The following TIMP2 variants were observed in gnomAD, a reference collection of about 807,000 sequenced individuals.
TIMP2 encodes TIMP metallopeptidase inhibitor 2.
In TIMP2, 5 loss-of-function variants were observed where a neutral mutation model predicts 24.3. The observed-to-expected ratio is 0.21, with a 90% CI of 0.11 to 0.43. The LOEUF (loss-of-function observed/expected upper bound fraction) is 0.43. Among genes scored for constraint, TIMP2 ranks in the 20% least tolerant of loss-of-function variants. TIMP2 has a pLI of 1.00. For missense variants in TIMP2, 221 were observed against 297.5 expected (o/e 0.74, Z 1.89); for synonymous variants, 130 against 123.2 (o/e 1.06, Z -0.37).
At position 78,918,694 on chromosome 17, in the gene TIMP2, T is replaced by G. The variant is rs555141076; in HGVS notation, c.130+6265A>C. 1.2e-4 allele frequency among the ~76,000 whole-genome samples: 18 copies of G among 152,166 alleles called. No individual in the cohort carries two copies. In the South Asian group the frequency reaches 3.7e-3, roughly 32 times the overall value. Reference sequence around the variant, plus strand: ...TTGGCCAAGCACTCACAATATCAGATATTCATTAAAAAAGTATATATAGGC... The same window carrying G: ...TTGGCCAAGCACTCACAATATCAGAGATTCATTAAAAAAGTATATATAGGC... On this transcript the variant is annotated intron_variant, in intron 1 of 4. Coordinates refer to ENST00000262768, the MANE Select transcript of TIMP2 (RefSeq NM_003255.5).
chr17:78,895,138 G>A (rs542430847), intron 1 of TIMP2, among the ~76,000 whole-genome samples: 86 of 152,152 alleles, frequency 5.7e-4, no homozygotes, highest in African/African-American at 2.0e-3. Context: ...AAAATTAGCC[G>A]GGTGTGGTGG....
intron 1 of TIMP2, chr17:78,892,319 G>C (rs2069913490): frequency 8.4e-6 from 13 of 1,550,652 alleles, no homozygotes; most frequent in Non-Finnish European, 1.1e-5. Flanking sequence ...CAGCCACATG[G>C]CTCCATCCAT....
chr17:78,870,566 C>T (rs62075643), intron 3 of TIMP2, among the ~76,000 whole-genome samples: 1,603 of 152,168 alleles, frequency 0.011, 12 homozygotes, highest in Non-Finnish European at 0.018. Flanking sequence ...ACAGATGTTA[C>T]GCGAGCTTTT....
Position 78,891,621 on chromosome 17 carries a change from G to C in TIMP2, c.131-17702C>G, listed in dbSNP as rs762493757. 19 of 1,550,898 alleles carry C rather than the reference G, an allele frequency of 1.2e-5. No homozygotes were observed. The highest frequency in any genetic ancestry group is 1.6e-5 in the Non-Finnish European group (18 of 1,147,068). ...CCCTCCAGACTCTGTCCCTGAGAGC[G>C]ACTGGTCAGGGCTGGAACAAAGCAA... On this transcript the variant is annotated intron_variant, in intron 1 of 4. Transcript: ENST00000262768. The surrounding 1 kb of genome is among the most constrained non-coding windows in gnomAD (Gnocchi z 4.5).
chr17:78,906,673 C>CCATCTCACTGAATCCT (rs1568006335), intron 1 of TIMP2, among the ~76,000 whole-genome samples: 1 of 152,062 alleles, frequency 6.6e-6, no homozygotes, highest in Non-Finnish European at 1.5e-5. Context: ...ACCTCCATCT[C>CCATCTCACTGAATCCT]CCGGGTTCAC....
At chr17:78,905,416 T>C (rs533955699) in intron 1 of TIMP2, among the ~76,000 whole-genome samples, 2 of 152,380 alleles carry the variant, frequency 1.3e-5, no homozygotes, top group African/African-American at 4.8e-5. Context: ...TCTGTTTCTC[T>C]GGGAAACCCT....
chr17:78,913,378 G>A (rs1371005166), intron 1 of TIMP2, among the ~76,000 whole-genome samples: 1 of 152,122 alleles, frequency 6.6e-6, no homozygotes, highest in African/African-American at 2.4e-5. Context: ...CACTTTAGAG[G>A]AGTGACCTCA....
At position 78,896,119 on chromosome 17, in the gene TIMP2, C is replaced by T. The variant is rs1327940428; in HGVS notation, c.131-22200G>A. ...GCTCCATCCTTCAGGAATCGATCCC[C>T]GCTCTGACACCATCAGATGCAACCT... On this transcript the variant is annotated intron_variant, in intron 1 of 4. Transcript: ENST00000262768. This position sits in a 1 kb window ranked among gnomAD's most constrained non-coding sequence, Gnocchi z 4.4. 2.0e-5 allele frequency among the ~76,000 whole-genome samples: 3 copies of T among 152,228 alleles called. No individual in the cohort carries two copies. The highest frequency in any genetic ancestry group is 6.5e-5 in the Admixed American group (1 of 15,282).
intron 1 of TIMP2, 97 bp from the exon 2 acceptor site, chr17:78,874,016 G>C: frequency 7.1e-6 from 8 of 1,123,082 alleles, no homozygotes; most frequent in Admixed American, 1.9e-5. Context: ...GGAGGTGCTG[G>C]GGGGTTACAG....
intron 1 of TIMP2, among the ~76,000 whole-genome samples, chr17:78,895,433 C>A (rs1045867528): frequency 6.6e-6 from 1 of 152,208 alleles, no homozygotes; most frequent in Non-Finnish European, 1.5e-5. Flanking sequence ...GTCCTGCCAC[C>A]TCACATCCAC....
At chr17:78,873,538 C>A (rs1438949806) in intron 2 of TIMP2, among the ~76,000 whole-genome samples, 1 of 152,182 alleles carries the variant, frequency 6.6e-6, no homozygotes, top group East Asian at 1.9e-4. Context: ...AGTGATCCGC[C>A]CACCTCGGCC....
At chr17:78,870,203 G>A (rs1286622106) in intron 3 of TIMP2, among the ~76,000 whole-genome samples, 2 of 152,138 alleles carry the variant, frequency 1.3e-5, no homozygotes, top group Admixed American at 1.3e-4. Context: ...ATCACCTGAG[G>A]TCAGGAGTTC....
intron 1 of TIMP2, chr17:78,890,631 C>T (rs1441326070): frequency 6.5e-7 from 1 of 1,547,450 alleles, no homozygotes; most frequent in Non-Finnish European, 8.7e-7. Context: ...GGGTGGGCCT[C>T]TCGCATTTAG....
rs532685098 is a variant in TIMP2 at position 78,884,613 on chromosome 17, C to T, written c.131-10694G>A. The stretch of plus-strand genomic sequence containing the variant: ...CTTCCCAAACAAGCCCCATGCTGAG[C>T]GGCGCCCCCAGACTCCCTAAGCTTG... On this transcript the variant is annotated intron_variant, in intron 1 of 4. Transcript: ENST00000262768. 2.6e-3 allele frequency among the ~76,000 whole-genome samples: 394 copies of T among 152,268 alleles called. 3 individuals are homozygous for T. Among genetic ancestry groups the T allele is most frequent in the African/African-American group, 9.0e-3 (373 of 41,562 alleles).
intron 1 of TIMP2, among the ~76,000 whole-genome samples, chr17:78,886,529 C>T (rs1416787951): frequency 6.6e-6 from 1 of 152,132 alleles, no homozygotes; most frequent in African/African-American, 2.4e-5. Context: ...AAGGCAAGTG[C>T]AGAAACAGCA....
At chr17:78,864,677 A>T (rs1309688170) in intron 3 of TIMP2, among the ~76,000 whole-genome samples, 1 of 152,206 alleles carries the variant, frequency 6.6e-6, no homozygotes, top group African/African-American at 2.4e-5. Context: ...AAATGTTAAC[A>T]ATTTGAAAAC....
At chr17:78,892,049 G>C in intron 1 of TIMP2, 1 of 1,551,056 alleles carries the variant, frequency 6.4e-7, no homozygotes, top group Non-Finnish European at 8.7e-7. Context: ...GGGCCCCTGC[G>C]AGTCAGGCTC....
intron 1 of TIMP2, among the ~76,000 whole-genome samples, chr17:78,912,683 A>G (rs1373177529): frequency 6.6e-6 from 1 of 152,164 alleles, no homozygotes; most frequent in Non-Finnish European, 1.5e-5. Context: ...CAATCCGGGG[A>G]GAGAGGAGCC....
At chr17:78,917,181 G>A (rs1366090157) in intron 1 of TIMP2, among the ~76,000 whole-genome samples, 1 of 150,970 alleles carries the variant, frequency 6.6e-6, no homozygotes, top group Non-Finnish European at 1.5e-5. Flanking sequence ...GAACCCAGGA[G>A]GCGGAGCTTG....
Sources: gnomAD v4.1 joint callset for allele counts (sites outside exome capture counted in the v4.1 genomes callset) on GRCh38, gnomAD v4.1.1 for gene constraint, Gnocchi (gnomAD v3.1) non-coding constraint, MANE v1.5 for transcripts, NCBI Gene and HGNC (gene_info 2026-07-23, HGNC 2026-07-21) for gene names.